Variants in DCC observed in about 807,000 individuals in gnomAD.
DCC encodes DCC netrin 1 receptor.
Under a neutral mutation model 172.5 loss-of-function variants are expected in DCC, and 58 were observed. That is an observed-to-expected ratio of 0.34 (90% CI 0.27 to 0.42). DCC has a LOEUF of 0.42. Among genes scored for constraint, DCC ranks in the 10% least tolerant of loss-of-function variants. DCC has a pLI of 1.00. For synonymous variants in DCC, 709 were observed against 644.5 expected (o/e 1.10, Z -1.52); for missense variants, 1,740 against 1,791.0 (o/e 0.97, Z 0.51).
At chr18:53,095,939 G>C (rs112329910) in intron 7 of DCC, among the ~76,000 whole-genome samples, 329 of 151,800 alleles carry the variant, frequency 2.2e-3, no homozygotes, top group African/African-American at 7.6e-3. Flanking sequence ...AAATGTGCAA[G>C]AAATAATATG....
At chr18:52,841,410 CT>C (rs2038804306) in intron 2 of DCC, among the ~76,000 whole-genome samples, 1 of 151,970 alleles carries the variant, frequency 6.6e-6, no homozygotes, top group Admixed American at 6.6e-5. Context: ...GCAGCTGAAA[CT>C]TTTTAAACTA....
chr18:52,480,101 G>A (rs369891718), intron 1 of DCC, among the ~76,000 whole-genome samples: 100 of 152,238 alleles, frequency 6.6e-4, no homozygotes, highest in Middle Eastern at 3.4e-3. Flanking sequence ...CACAGCCAGT[G>A]AGTATAAGAG....
chr18:53,319,952 T>A (rs1289600222), intron 13 of DCC, among the ~76,000 whole-genome samples: 1 of 152,166 alleles, frequency 6.6e-6, no homozygotes, highest in Non-Finnish European at 1.5e-5. Context: ...CCTAAGTTGA[T>A]ACATATAACT....
intron 1 of DCC, among the ~76,000 whole-genome samples, chr18:52,547,355 A>T (rs1230459435): frequency 6.6e-6 from 1 of 152,146 alleles, no homozygotes; most frequent in Non-Finnish European, 1.5e-5. Context: ...GAAGGAGGAA[A>T]ATATGTTTAT....
intron 2 of DCC, among the ~76,000 whole-genome samples, chr18:52,815,411 TACACACACAC>T (rs34924244): frequency 7.3e-5 from 11 of 150,114 alleles, no homozygotes; most frequent in South Asian, 2.1e-4. Context: ...TTCTCACACG[TACACACACAC>T]ACACACACAC....
intron 1 of DCC, among the ~76,000 whole-genome samples, chr18:52,423,029 A>G (rs1263169350): frequency 6.6e-6 from 1 of 152,154 alleles, no homozygotes; most frequent in Non-Finnish European, 1.5e-5. Flanking sequence ...GAGTCAGAAA[A>G]TTGAAAGTTC....
At chr18:52,996,998 A>G (rs1351271977) in intron 5 of DCC, among the ~76,000 whole-genome samples, 1 of 152,110 alleles carries the variant, frequency 6.6e-6, no homozygotes, top group African/African-American at 2.4e-5. Flanking sequence ...AGACTCCAGA[A>G]AAGGAGCTAA....
At chr18:52,650,633 GATAA>G (rs2035114044) in intron 1 of DCC, among the ~76,000 whole-genome samples, 2 of 152,192 alleles carry the variant, frequency 1.3e-5, no homozygotes, top group South Asian at 2.1e-4. Flanking sequence ...ATTGAAGGTT[GATAA>G]ATAAACAGGT....
chr18:53,272,249 T>C (rs554190203), intron 12 of DCC, among the ~76,000 whole-genome samples: 7 of 152,276 alleles, frequency 4.6e-5, no homozygotes, highest in Admixed American at 2.0e-4. Context: ...ATTCTGAAAG[T>C]AGAATATGTA....
At position 52,489,558 on chromosome 18, in the gene DCC, T is replaced by G. The variant is rs182840607; in HGVS notation, c.91+148680T>G. ...AGATTGATTCTCAGTAGCCGGTGGC[T>G]TGGAGAGGGGAAGCAATAATTTCTG... On this transcript the variant is annotated intron_variant, in intron 1 of 28. Coordinates refer to ENST00000442544, the MANE Select transcript of DCC (RefSeq NM_005215.4). Among the ~76,000 whole-genome samples, 793 of 152,264 alleles carry G rather than the reference T, an allele frequency of 5.2e-3. 29 individuals carry two copies. Among genetic ancestry groups the G allele is most frequent in the Admixed American group, 0.043 (664 of 15,274 alleles).
intron 15 of DCC, among the ~76,000 whole-genome samples, chr18:53,364,049 C>A (rs1006116888): frequency 6.6e-6 from 1 of 152,176 alleles, no homozygotes; most frequent in African/African-American, 2.4e-5. Flanking sequence ...GAGTTTAATG[C>A]CATAAATCAG....
intron 1 of DCC, among the ~76,000 whole-genome samples, chr18:52,410,052 C>T (rs927770566): frequency 6.6e-6 from 1 of 152,144 alleles, no homozygotes; most frequent in Non-Finnish European, 1.5e-5. Context: ...TGTAATGCCA[C>T]ATCAGTGTTT....
chr18:52,554,674 G>T (rs556476542), intron 1 of DCC, among the ~76,000 whole-genome samples: 1 of 152,188 alleles, frequency 6.6e-6, no homozygotes, highest in Admixed American at 6.6e-5. Context: ...GCATGATAGA[G>T]ACAATGGTCT....
intron 1 of DCC, among the ~76,000 whole-genome samples, chr18:52,532,827 T>C (rs2032188929): frequency 6.6e-6 from 1 of 152,048 alleles, no homozygotes; most frequent in Non-Finnish European, 1.5e-5. Context: ...CCTTCTAAAG[T>C]AGACCATTCA....
At chr18:52,571,133 G>A (rs2033282779) in intron 1 of DCC, among the ~76,000 whole-genome samples, 2 of 152,072 alleles carry the variant, frequency 1.3e-5, no homozygotes, top group Admixed American at 6.6e-5. Context: ...TATTTGAAAG[G>A]CACTAGAAAA....
intron 7 of DCC, among the ~76,000 whole-genome samples, chr18:53,124,876 A>AG (rs1466150342): frequency 6.6e-6 from 1 of 151,936 alleles, no homozygotes; most frequent in East Asian, 2.0e-4. Context: ...AGGCTGAGGC[A>AG]GGAGAATAGC....
At chr18:53,006,406 T>A (rs1415332607) in intron 5 of DCC, among the ~76,000 whole-genome samples, 1 of 152,174 alleles carries the variant, frequency 6.6e-6, no homozygotes, top group Non-Finnish European at 1.5e-5. Context: ...TATACATTCT[T>A]AACTAGGGAA....
chr18:53,336,163 G>A (rs1056228173), intron 14 of DCC, among the ~76,000 whole-genome samples: 2 of 152,166 alleles, frequency 1.3e-5, no homozygotes, highest in Non-Finnish European at 2.9e-5. Context: ...TGCTTCATAT[G>A]TGCAAGCAGC....
intron 5 of DCC, among the ~76,000 whole-genome samples, chr18:52,978,297 C>G (rs1240359712): frequency 6.6e-6 from 1 of 151,782 alleles, no homozygotes; most frequent in Non-Finnish European, 1.5e-5. Context: ...AATGCTAGAG[C>G]CTTAGTTTAA....
Sources: gnomAD v4.1 joint callset for allele counts (sites outside exome capture counted in the v4.1 genomes callset) on GRCh38, gnomAD v4.1.1 for gene constraint, MANE v1.5 for transcripts, NCBI Gene and HGNC (gene_info 2026-07-23, HGNC 2026-07-21) for gene names.